SH3GL2: variants seen among roughly 807,000 people sequenced by gnomAD.
The protein encoded by SH3GL2 is endophilin-A1.
SH3GL2 carries 24 observed loss-of-function variants against 46.0 expected under a neutral mutation model. That is an observed-to-expected ratio of 0.52 (90% CI 0.38 to 0.73). SH3GL2 has a LOEUF of 0.73. Ranked by LOEUF, SH3GL2 falls within the 30% of genes least tolerant of loss-of-function variation. SH3GL2 has a pLI of 0.00. For synonymous variants in SH3GL2, 196 were observed against 147.1 expected (o/e 1.33, Z -2.40); for missense variants, 413 against 424.2 (o/e 0.97, Z 0.23).
chr9:17,795,576 C>G lies in SH3GL2; in HGVS notation c.892C>G (p.Leu298Val). Reference sequence around the variant, plus strand: ...AATGGATCAGCCCTGCTGCCGAGCTCTGTACGACTTTGAACCTGAAAATGA... The same window carrying G: ...AATGGATCAGCCCTGCTGCCGAGCTGTGTACGACTTTGAACCTGAAAATGA... ...VQMDQPCCRALYDFEPENEGE... is the reference protein window; with the variant it reads ...VQMDQPCCRAVYDFEPENEGE... The change falls in exon 9 of 9, where the codon CTG becomes GTG. Residue 298 changes from leucine to valine, a missense_variant. Transcript: ENST00000380607. 1 of 1,614,056 alleles carries G rather than the reference C, an allele frequency of 6.2e-7. No homozygotes were observed. Among genetic ancestry groups the G allele is most frequent in the Non-Finnish European group, 8.5e-7 (1 of 1,179,962 alleles).
chr9:17,737,325 C>A (rs1033518491), intron 1 of SH3GL2, among the ~76,000 whole-genome samples: 1 of 151,686 alleles, frequency 6.6e-6, no homozygotes, highest in South Asian at 2.1e-4. Context: ...ATGTTCTGCA[C>A]ATGTATCCCA....
At chr9:17,600,688 T>G (rs1269004346) in intron 1 of SH3GL2, among the ~76,000 whole-genome samples, 2 of 152,228 alleles carry the variant, frequency 1.3e-5, no homozygotes, top group African/African-American at 4.8e-5. Flanking sequence ...GCTAACTGGT[T>G]CAATGTATAT....
At chr9:17,729,080 A>G (rs761061603) in intron 1 of SH3GL2, among the ~76,000 whole-genome samples, 2 of 152,148 alleles carry the variant, frequency 1.3e-5, no homozygotes, top group African/African-American at 2.4e-5. Flanking sequence ...TTATACTCCA[A>G]CTAACAGTGT....
intron 1 of SH3GL2, among the ~76,000 whole-genome samples, chr9:17,603,523 A>G (rs1818707984): frequency 6.6e-6 from 1 of 152,096 alleles, no homozygotes; most frequent in Non-Finnish European, 1.5e-5. Flanking sequence ...GATGGGAGAG[A>G]TGGAAAGAGT....
intron 1 of SH3GL2, among the ~76,000 whole-genome samples, chr9:17,611,744 C>T (rs1223620769): frequency 6.6e-6 from 1 of 152,168 alleles, no homozygotes; most frequent in Admixed American, 6.5e-5. Context: ...CCTTGCTACA[C>T]CCCGTCAGGA....
At chr9:17,647,627 C>G (rs1206019035) in intron 1 of SH3GL2, among the ~76,000 whole-genome samples, 4 of 152,100 alleles carry the variant, frequency 2.6e-5, no homozygotes, top group African/African-American at 9.7e-5. Flanking sequence ...CTGTAAAACA[C>G]TTGGTACCAC....
At chr9:17,782,591 A>G (rs1189069687) in intron 3 of SH3GL2, among the ~76,000 whole-genome samples, 1 of 152,134 alleles carries the variant, frequency 6.6e-6, no homozygotes, top group Admixed American at 6.6e-5. Flanking sequence ...GCCTGGTGCC[A>G]AGGAGACCTG....
chr9:17,771,832 A>G (rs748585945), intron 3 of SH3GL2, among the ~76,000 whole-genome samples: 1 of 152,140 alleles, frequency 6.6e-6, no homozygotes, highest in African/African-American at 2.4e-5. Flanking sequence ...GAGGTGTTAT[A>G]TAAATACCAT....
chr9:17,596,047 A>G (rs753804883), intron 1 of SH3GL2, among the ~76,000 whole-genome samples: 1 of 152,180 alleles, frequency 6.6e-6, no homozygotes, highest in Non-Finnish European at 1.5e-5. Flanking sequence ...CTTTCTCAGG[A>G]TAAGTTGAAA....
chr9:17,788,848 C>T (rs893018791), intron 5 of SH3GL2, among the ~76,000 whole-genome samples: 15 of 152,136 alleles, frequency 9.9e-5, no homozygotes, highest in African/African-American at 3.1e-4. Context: ...TTCCTAGGCC[C>T]CCACCCTAGA....
chr9:17,581,891 G>T (rs1445950786), intron 1 of SH3GL2, among the ~76,000 whole-genome samples: 3 of 152,078 alleles, frequency 2.0e-5, no homozygotes, highest in Non-Finnish European at 4.4e-5. Flanking sequence ...TAGAGACAGG[G>T]TTTAGCCATG....
At chr9:17,715,876 A>G (rs960901593) in intron 1 of SH3GL2, among the ~76,000 whole-genome samples, 2 of 152,092 alleles carry the variant, frequency 1.3e-5, no homozygotes, top group Non-Finnish European at 2.9e-5. Flanking sequence ...ATCTAACACA[A>G]AGCCTATTTT....
At chr9:17,619,415 C>G (rs1194418147) in intron 1 of SH3GL2, among the ~76,000 whole-genome samples, 3 of 152,182 alleles carry the variant, frequency 2.0e-5, no homozygotes, top group Admixed American at 6.5e-5. Flanking sequence ...TGGTGGCTCA[C>G]GCCTGTAATC....
At chr9:17,687,704 G>C (rs1298513803) in intron 1 of SH3GL2, among the ~76,000 whole-genome samples, 1 of 150,910 alleles carries the variant, frequency 6.6e-6, no homozygotes, top group South Asian at 2.1e-4. Context: ...TAAAGTTTAA[G>C]TCGAGGATTT....
chr9:17,644,299 T>G (rs766975004), intron 1 of SH3GL2, among the ~76,000 whole-genome samples: 1 of 152,188 alleles, frequency 6.6e-6, no homozygotes, highest in Non-Finnish European at 1.5e-5. Flanking sequence ...CCTAGATTCA[T>G]TGATTTTTCG....
chr9:17,747,053 T>C lies in SH3GL2; in HGVS notation c.46-13T>C. The C allele has an allele frequency of 6.4e-7, 1 of 1,571,292 alleles. No homozygotes were observed. The highest frequency in any genetic ancestry group is 8.7e-7 in the Non-Finnish European group (1 of 1,143,968). On this transcript the variant is annotated splice_polypyrimidine_tract_variant and intron_variant, in intron 1 of 8. Transcript: ENST00000380607. The stretch of plus-strand genomic sequence containing the variant: ...TGTTTATAATAATTCTCCTTTGTGG[T>C]TATTTTCTACAGAAAGTGAGTGAGA...
Position 17,707,485 on chromosome 9 carries a change from T to C in SH3GL2, c.46-39581T>C, listed in dbSNP as rs12000449. Among the ~76,000 whole-genome samples the C allele has an allele frequency of 3.6e-3, 551 of 152,176 alleles. 6 individuals carry two copies. Among genetic ancestry groups the C allele is most frequent in the African/African-American group, 0.011 (449 of 41,538 alleles). ...ACATTGGTAAGCCAATGTCACCTTC[T>C]AGCATTCTCTGTGATCTACCTGTAT... On this transcript the variant is annotated intron_variant, in intron 1 of 8. Coordinates refer to ENST00000380607, the MANE Select transcript of SH3GL2 (RefSeq NM_003026.5).
intron 1 of SH3GL2, among the ~76,000 whole-genome samples, chr9:17,719,893 G>A (rs1407697379): frequency 6.6e-6 from 1 of 150,808 alleles, no homozygotes; most frequent in Non-Finnish European, 1.5e-5. Flanking sequence ...TGTATCACCT[G>A]TGTATATATA....
intron 1 of SH3GL2, among the ~76,000 whole-genome samples, chr9:17,659,657 GT>G (rs1563801420): frequency 6.6e-6 from 1 of 152,088 alleles, no homozygotes; most frequent in Non-Finnish European, 1.5e-5. Flanking sequence ...CCAGAAATGC[GT>G]TTACTCTCAG....
Sources: gnomAD v4.1 joint callset for allele counts (sites outside exome capture counted in the v4.1 genomes callset) on GRCh38, gnomAD v4.1.1 for gene constraint, MANE v1.5 for transcripts, NCBI Gene and HGNC (gene_info 2026-07-23, HGNC 2026-07-21) for gene names.